The following SEPTIN5 variants were observed in gnomAD, a reference collection of about 807,000 sequenced individuals.
SEPTIN5 encodes the protein septin-5.
SEPTIN5 carries 16 observed loss-of-function variants against 51.2 expected under a neutral mutation model. That is an observed-to-expected ratio of 0.31 (90% CI 0.21 to 0.47). SEPTIN5 has a LOEUF of 0.47. SEPTIN5 is among the 20% of genes least tolerant of loss of function. The pLI, the probability that SEPTIN5 is intolerant of heterozygous loss-of-function variation, is 0.99. For missense variants in SEPTIN5, 376 were observed against 500.3 expected, an observed-to-expected ratio of 0.75 and a Z score of 2.37; for synonymous variants, 208 against 191.2, an observed-to-expected ratio of 1.09 and a Z score of -0.72.
At chr22:19,715,523 A>G (rs954013740) in intron 2 of SEPTIN5, among the ~76,000 whole-genome samples, 2 of 151,684 alleles carry the variant, frequency 1.3e-5, no homozygotes, top group African/African-American at 4.8e-5. Context: ...GGGGGCTGAC[A>G]ACCAGGTGGG....
At position 19,721,674 on chromosome 22, in the gene SEPTIN5, C is replaced by A. The variant is rs1936036615; in HGVS notation, c.752C>A (p.Thr251Lys). ...CCCTTCGCCGTTATAGGCAGCAACA[C>A]GGTGGTGGAGGCCAAGGGGCAGCGG... ...SAPFAVIGSN[T>K]VVEAKGQRVR... Residue 251 changes from threonine to lysine, a missense_variant, in exon 9 of 12, where the codon ACG becomes AAG. By Grantham distance (78) the Thr-to-Lys change is moderately conservative. Around this residue, in one of 2 missense-constraint regions of SEPTIN5, gnomAD observed 287 missense variants for 417.1 expected, o/e 0.69. Coordinates refer to ENST00000455784, the MANE Select transcript of SEPTIN5 (RefSeq NM_002688.6). 1 of 1,612,644 alleles carries A rather than the reference C, an allele frequency of 6.2e-7. No individual in the cohort carries two copies. Among genetic ancestry groups the A allele is most frequent in the African/African-American group, 1.3e-5 (1 of 74,898 alleles).
chr22:19,718,876 G>A (rs1935963443), intron 2 of SEPTIN5: 2 of 1,226,778 alleles, frequency 1.6e-6, no homozygotes, highest in Non-Finnish European at 1.0e-6. Flanking sequence ...CCGGGACTCG[G>A]CATGGGGTCC....
chr22:19,722,356 GGGCGGCGGA>G lies in SEPTIN5; in HGVS notation c.1053+23_1053+31del, dbSNP rs771524412. Reference sequence around the variant, plus strand: ...GATGAGGAAGTATGTGGGGCGGCGGGGGCGGCGGAGGCGGGCGTCAGGGATGCTCCTCCG... The same window carrying G: ...GATGAGGAAGTATGTGGGGCGGCGGGGGCGGGCGTCAGGGATGCTCCTCCG... On this transcript the variant is annotated intron_variant, in intron 11 of 11. Transcript: ENST00000455784. 9.4e-6 allele frequency: 15 copies of G among 1,601,956 alleles called. No individual in the cohort carries two copies. In the African/African-American group the frequency reaches 1.7e-4, roughly 19 times the overall value.
chr22:19,720,476 A>C (rs1936005813), intron 6 of SEPTIN5, 22 bp downstream of exon 6: 1 of 1,613,026 alleles, frequency 6.2e-7, no homozygotes, highest in East Asian at 2.2e-5. Context: ...TCCTGGGGCC[A>C]GGCTCGGGAG....
chr22:19,719,134 C>G (rs191098981), intron 2 of SEPTIN5: 4 of 252,840 alleles, frequency 1.6e-5, no homozygotes, highest in East Asian at 1.4e-4. Flanking sequence ...GGCGCTGCTC[C>G]GCCACCGCCG....
In SEPTIN5 at chr22:19,714,828, G is replaced by C. The variant is rs778395228; in HGVS notation, c.54+37G>C. ...GCGCCGCTCCCCCGCCGGGAGACCC[G>C]GCCGGCTGTCACCCATTGTGACACT... On this transcript the variant is annotated intron_variant, in intron 2 of 11. Transcript: ENST00000455784. The surrounding 1 kb of genome is among the most constrained non-coding windows in gnomAD (Gnocchi z 5.2). 2.5e-6 allele frequency: 4 copies of C among 1,586,634 alleles called. No individual in the cohort carries two copies. In the South Asian group the frequency reaches 4.5e-5, roughly 18 times the overall value.
In SEPTIN5 at chr22:19,721,697, C is replaced by T. The variant is rs745550752; in HGVS notation, c.775C>T (p.Arg259Trp). ...SNTVVEAKGQ[R>W]VRGRLYPWGI... ...CACGGTGGTGGAGGCCAAGGGGCAG[C>T]GGGTCCGGGGCCGACTGTACCCCTG... Residue 259 changes from arginine to tryptophan, a missense_variant, in exon 9 of 12, where the codon CGG becomes TGG. By Grantham distance (101) the Arg-to-Trp change is moderately radical (BLOSUM62 -3). This residue lies in a region of SEPTIN5 where 287 missense variants were observed against 417.1 expected (regional missense o/e 0.69). Transcript: ENST00000455784. 1 of 1,611,948 alleles carries T rather than the reference C, an allele frequency of 6.2e-7. No homozygotes were observed. The highest frequency in any genetic ancestry group is 8.5e-7 in the Non-Finnish European group (1 of 1,179,302).
chr22:19,716,237 A>G (rs765357218), intron 2 of SEPTIN5, among the ~76,000 whole-genome samples: 58 of 152,242 alleles, frequency 3.8e-4, no homozygotes, highest in Non-Finnish European at 7.3e-5. Context: ...GAGCCAGGCC[A>G]GGTGTCTGGG....
chr22:19,722,010 T>G, intron 10 of SEPTIN5, 53 bp downstream of exon 10: 2 of 1,568,142 alleles, frequency 1.3e-6, no homozygotes, highest in East Asian at 4.5e-5. Context: ...CGCCCACGTC[T>G]CCATAACTGA....
chr22:19,723,306 T>C lies in SEPTIN5; in HGVS notation c.*822T>C, dbSNP rs779842300. The stretch of plus-strand genomic sequence containing the variant: ...TCCTGTCCTGGTGACAGGAGAACAA[T>C]GTTGGTGAACGTCGCAGCGGGTGTC... On this transcript the variant is annotated 3_prime_UTR_variant, in exon 12 of 12. Coordinates refer to ENST00000455784, the MANE Select transcript of SEPTIN5 (RefSeq NM_002688.6). 9 of 698,732 alleles carry C rather than the reference T, an allele frequency of 1.3e-5. No homozygotes were observed. In the South Asian group the frequency reaches 1.3e-4, roughly 10 times the overall value. 43.3% of individuals were successfully genotyped at this position (698,732 alleles called of 1,614,324 possible). A position where few individuals can be genotyped will look rare whatever the true frequency, so the allele number is the denominator to read the frequency against.
chr22:19,723,178 C>A lies in SEPTIN5; in HGVS notation c.*694C>A. 1 of 579,388 alleles carries A rather than the reference C, an allele frequency of 1.7e-6. No individual in the cohort carries two copies. The highest frequency in any genetic ancestry group is 3.3e-6 in the Non-Finnish European group (1 of 306,492). 35.9% of individuals were successfully genotyped at this position (579,388 alleles called of 1,614,324 possible). A position where few individuals can be genotyped will look rare whatever the true frequency, so the allele number is the denominator to read the frequency against. On this transcript the variant is annotated 3_prime_UTR_variant, in exon 12 of 12. Coordinates refer to ENST00000455784, the MANE Select transcript of SEPTIN5 (RefSeq NM_002688.6). ...TCGAGGCCTCTTCTCCCCAGCACCG[C>A]TGTGGTGTGCCGGGATCCTGAGCCT...
intron 8 of SEPTIN5, 127 bp from the exon 9 acceptor site, chr22:19,721,513 A>T: frequency 9.7e-7 from 1 of 1,033,704 alleles, no homozygotes; most frequent in Non-Finnish European, 1.4e-6. Flanking sequence ...CAACGCCAGG[A>T]TCTCTTTGAG....
chr22:19,717,538 AC>A, intron 2 of SEPTIN5: 1 of 345,998 alleles, frequency 2.9e-6, no homozygotes. Flanking sequence ...GGGCAGGGCC[AC>A]CTGAGGGCTG....
chr22:19,715,174 GCA>G (rs1935896098), intron 2 of SEPTIN5, among the ~76,000 whole-genome samples: 1 of 152,242 alleles, frequency 6.6e-6, no homozygotes, highest in African/African-American at 2.4e-5. Flanking sequence ...CCATCAGCCA[GCA>G]CAGTCCCTGA....
At chr22:19,718,589 T>A in intron 2 of SEPTIN5, 1 of 1,290,828 alleles carries the variant, frequency 7.7e-7, no homozygotes, top group Non-Finnish European at 9.8e-7. Context: ...ACGTGCCCTG[T>A]CCAGGCCTCA....
Position 19,722,571 on chromosome 22 carries a change from G to A in SEPTIN5, c.*87G>A. The A allele has an allele frequency of 7.2e-7, 1 of 1,386,764 alleles. No individual in the cohort carries two copies. Among genetic ancestry groups the A allele is most frequent in the South Asian group, 1.2e-5 (1 of 80,152 alleles). 85.9% of individuals were successfully genotyped at this position (1,386,764 alleles called of 1,614,324 possible). On this transcript the variant is annotated 3_prime_UTR_variant, in exon 12 of 12. Transcript: ENST00000455784. The stretch of plus-strand genomic sequence containing the variant: ...GACTGTTCCCGACCCGGAGACGCGG[G>A]GCCACAGCCCCCAGCTGACCCTAAT...
In SEPTIN5 at chr22:19,714,694, C is replaced by T; in HGVS notation, c.43+63C>T. On this transcript the variant is annotated intron_variant, in intron 1 of 11. Coordinates refer to ENST00000455784, the MANE Select transcript of SEPTIN5 (RefSeq NM_002688.6). The surrounding 1 kb of genome is among the most constrained non-coding windows in gnomAD (Gnocchi z 5.2). ...TTGTCCCCGCCGCCCGCGCGCCTCT[C>T]ACCGTGTCTCTCCGTCTCTCCCCCG... 4 of 1,530,452 alleles carry T rather than the reference C, an allele frequency of 2.6e-6. No individual in the cohort carries two copies. Among genetic ancestry groups the T allele is most frequent in the Non-Finnish European group, 1.7e-6 (2 of 1,143,576 alleles). 94.8% of individuals were successfully genotyped at this position (1,530,452 alleles called of 1,614,324 possible).
chr22:19,719,718 CG>C lies in SEPTIN5; in HGVS notation c.151+25del. On this transcript the variant is annotated intron_variant, in intron 3 of 11. Transcript: ENST00000455784. ...TGGCTGGTGAGTGGGCCAGGCTCCT[CG>C]GGGGAGTGGCTGGGGTCACTGGCCA... is the stretch of plus-strand genomic sequence containing the variant. 1.2e-6 allele frequency: 2 copies of C among 1,612,086 alleles called. No individual in the cohort carries two copies. The highest frequency in any genetic ancestry group is 8.5e-7 in the Non-Finnish European group (1 of 1,179,320).
chr22:19,722,218 T>TCCCCCCCCCC lies in SEPTIN5; in HGVS notation c.951-12_951-11insCCCCCCCCCC. On this transcript the variant is annotated intron_variant, in intron 10 of 11. Transcript: ENST00000455784. The stretch of plus-strand genomic sequence containing the variant: ...CCCGGTGGCGCCGCCCCGCCCATCC[T>TCCCCCCCCCC]CCCCCCCGCCCCGCGCAGCAAACTG... The TCCCCCCCCCC allele has an allele frequency of 9.0e-7, 1 of 1,105,256 alleles. No homozygotes were observed. 68.5% of individuals were successfully genotyped at this position (1,105,256 alleles called of 1,614,324 possible). A position where few individuals can be genotyped will look rare whatever the true frequency, so the allele number is the denominator to read the frequency against.
Sources: allele counts gnomAD v4.1 joint callset (sites outside exome capture counted in the v4.1 genomes callset), GRCh38; gene constraint gnomAD v4.1.1; regional missense constraint gnomAD v4.1.1; non-coding constraint Gnocchi (gnomAD v3.1); transcripts MANE v1.5; gene names NCBI Gene and HGNC (gene_info 2026-07-23, HGNC 2026-07-21).